LRRC36: variants seen among roughly 807,000 people sequenced by gnomAD.
LRRC36 encodes leucine rich repeat containing 36.
LRRC36 carries 62 observed loss-of-function variants against 81.1 expected under a neutral mutation model. That is an observed-to-expected ratio of 0.76 (90% confidence interval 0.62 to 0.94). The LOEUF is 0.94. LRRC36 is among the 40% of genes least tolerant of loss of function. The pLI is 0.00. For missense variants in LRRC36, 761 were observed against 881.7 expected (o/e 0.86, Z 1.73); for synonymous variants, 334 against 348.6 (o/e 0.96, Z 0.47).
intron 1 of LRRC36, among the ~76,000 whole-genome samples, chr16:67,327,504 TAATAAATAA>T (rs1441588435): frequency 3.3e-5 from 5 of 151,816 alleles, no homozygotes; most frequent in Non-Finnish European, 7.4e-5. Flanking sequence ...AAAATAATAA[TAATAAATAA>T]AATAAATAAA....
chr16:67,371,312 G>C (rs2039628486), intron 9 of LRRC36, 70 bp downstream of exon 9: 2 of 1,567,778 alleles, frequency 1.3e-6, no homozygotes, highest in Admixed American at 3.3e-5. Context: ...GGGTTCTGTT[G>C]GGAATGGAGG....
At chr16:67,362,023 G>T (rs1444337940) in intron 5 of LRRC36, among the ~76,000 whole-genome samples, 1 of 151,910 alleles carries the variant, frequency 6.6e-6, no homozygotes, top group African/African-American at 2.4e-5. Flanking sequence ...TTGAGCCCAG[G>T]AGTTCTAAAC....
chr16:67,344,447 A>T (rs1308978777), intron 2 of LRRC36, among the ~76,000 whole-genome samples: 1 of 152,084 alleles, frequency 6.6e-6, no homozygotes, highest in East Asian at 1.9e-4. Context: ...AAACAAACAA[A>T]AACCATAGTT....
chr16:67,340,204 T>C (rs1567469332), intron 1 of LRRC36, among the ~76,000 whole-genome samples: 1 of 152,100 alleles, frequency 6.6e-6, no homozygotes, highest in Non-Finnish European at 1.5e-5. Context: ...TCTAGCAACT[T>C]AAGATCTTAT....
At chr16:67,378,235 C>CTATTTTTTTTTTT (rs2039978641) in intron 11 of LRRC36, among the ~76,000 whole-genome samples, 1 of 100,522 alleles carries the variant, frequency 9.9e-6, no homozygotes, top group African/African-American at 4.7e-5. Context: ...ATGTCAGATT[C>CTATTTTTTTTTTT]TTTTTTTTTT....
At chr16:67,334,087 G>C (rs1292509759) in intron 1 of LRRC36, among the ~76,000 whole-genome samples, 1 of 151,980 alleles carries the variant, frequency 6.6e-6, no homozygotes, top group Non-Finnish European at 1.5e-5. Flanking sequence ...CTGGAGTGCA[G>C]TGGCGTGGAT....
chr16:67,382,041 A>C, intron 12 of LRRC36, 92 bp from the exon 13 acceptor site: 1 of 834,054 alleles, frequency 1.2e-6, no homozygotes, highest in Non-Finnish European at 2.0e-6. Flanking sequence ...TGGGGCCCCC[A>C]GTTCTCAAGA....
intron 2 of LRRC36, among the ~76,000 whole-genome samples, chr16:67,345,858 G>A (rs1396005343): frequency 1.3e-5 from 2 of 151,692 alleles, no homozygotes; most frequent in Non-Finnish European, 2.9e-5. Context: ...TGTAAATTAA[G>A]GTGCTTTTGG....
intron 10 of LRRC36, 138 bp downstream of exon 10, chr16:67,375,550 T>C (rs1290309622): frequency 4.9e-6 from 3 of 615,260 alleles, no homozygotes; most frequent in Admixed American, 3.2e-5. Context: ...CTCAGAAACA[T>C]CATAGTTAAC....
chr16:67,368,273 C>T lies in LRRC36; in HGVS notation c.1195+816C>T, dbSNP rs145293890. Among the ~76,000 whole-genome samples the T allele has an allele frequency of 1.4e-3, 215 of 152,240 alleles. 1 individual carries two copies. The highest frequency in any genetic ancestry group is 5.1e-3 in the African/African-American group (211 of 41,524). On this transcript the variant is annotated intron_variant, in intron 8 of 13. Transcript: ENST00000329956. Reference sequence around the variant, plus strand: ...GCTTACATTCTCATGGGGTAAGACACATGATAAACATTTTAGCATGCAAAT... The same window carrying T: ...GCTTACATTCTCATGGGGTAAGACATATGATAAACATTTTAGCATGCAAAT...
chr16:67,336,924 C>T (rs2037791828), intron 1 of LRRC36, among the ~76,000 whole-genome samples: 1 of 152,120 alleles, frequency 6.6e-6, no homozygotes, highest in South Asian at 2.1e-4. Flanking sequence ...TGTGCCACCA[C>T]ACCCGGCTAA....
chr16:67,350,070 TTA>T lies in LRRC36; in HGVS notation c.489-131_489-130del. On this transcript the variant is annotated intron_variant, in intron 4 of 13. Coordinates refer to ENST00000329956, the MANE Select transcript of LRRC36 (RefSeq NM_018296.6). ...GCCACTGTGCCCGGCTGAAACATAA[TTA>T]AATTAATATGTTCTAGAGCATTTGA... 5.3e-6 allele frequency: 3 copies of T among 571,394 alleles called. No individual in the cohort carries two copies. The East Asian group carries it at 9.3e-5, about 18-fold the overall frequency. The allele number at this position is 571,394 out of a possible 1,614,324, so 35.4% of individuals were successfully genotyped here.
At chr16:67,352,451 C>A (rs1303049979) in intron 5 of LRRC36, among the ~76,000 whole-genome samples, 1 of 152,116 alleles carries the variant, frequency 6.6e-6, no homozygotes, top group African/African-American at 2.4e-5. Context: ...GGGCACTGAA[C>A]CTCCACTGTC....
At chr16:67,370,922 T>TGTTA in intron 8 of LRRC36, 22 bp from the exon 9 acceptor site, 1 of 1,601,586 alleles carries the variant, frequency 6.2e-7, no homozygotes, top group Non-Finnish European at 8.5e-7. Context: ...CAGGTTCATC[T>TGTTA]GTTAGCCTGT....
intron 11 of LRRC36, among the ~76,000 whole-genome samples, chr16:67,377,660 G>T (rs2039955163): frequency 6.8e-6 from 1 of 146,884 alleles, no homozygotes; most frequent in Non-Finnish European, 1.5e-5. Context: ...TTTGAGATGG[G>T]GTCTTGTTCT....
At chr16:67,327,058 C>T in intron 1 of LRRC36, 126 bp downstream of exon 1, 1 of 560,146 alleles carries the variant, frequency 1.8e-6, no homozygotes, top group Middle Eastern at 3.5e-4. Context: ...GTACCTGAGG[C>T]TGGGGGGCGG....
rs1333221907 is a variant in LRRC36, at chr16:67,365,293, A to G, written c.703-11A>G. The G allele has an allele frequency of 4.3e-6, 7 of 1,611,076 alleles. No individual in the cohort carries two copies. Among genetic ancestry groups the G allele is most frequent in the African/African-American group, 1.3e-5 (1 of 74,816 alleles). On this transcript the variant is annotated splice_polypyrimidine_tract_variant and intron_variant, in intron 6 of 13. Transcript: ENST00000329956. ...GACTTCCTTCTACCTAAACTTTCGA[A>G]CTTTTTTTAGACACAGGAAGTAGCA...
chr16:67,350,177 G>A, intron 4 of LRRC36, 25 bp from the exon 5 acceptor site: 1 of 1,319,818 alleles, frequency 7.6e-7, no homozygotes, highest in South Asian at 1.3e-5. Context: ...TTTTTGAGTT[G>A]TAAATAAATT....
intron 4 of LRRC36, 29 bp from the exon 5 acceptor site, chr16:67,350,170 TTGA>T: frequency 6.8e-7 from 1 of 1,463,474 alleles, no homozygotes; most frequent in Non-Finnish European, 9.3e-7. Context: ...TTTTTTTTTT[TTGA>T]GTTGTAAATA....
Sources: allele counts gnomAD v4.1 joint callset (sites outside exome capture counted in the v4.1 genomes callset), GRCh38; gene constraint gnomAD v4.1.1; transcripts MANE v1.5; gene names NCBI Gene and HGNC (gene_info 2026-07-23, HGNC 2026-07-21).